Variants in EVI5 observed in about 807,000 individuals in gnomAD.
EVI5 encodes the protein ecotropic viral integration site 5.
A neutral mutation model predicts 112.0 loss-of-function variants in EVI5; 73 were observed. That is an observed-to-expected ratio of 0.65 (90% CI 0.54 to 0.79). The LOEUF is 0.79. EVI5 is among the 30% of genes least tolerant of loss of function. The probability of loss-of-function intolerance (pLI) is 0.00; values close to 1 mark genes in which losing one functional copy is unlikely to be tolerated. For synonymous variants in EVI5, 305 were observed against 319.9 expected (o/e 0.95, Z 0.50); for missense variants, 900 against 968.8 (o/e 0.93, Z 0.94).
At chr1:92,724,212 G>A (rs766467597) in intron 2 of EVI5, among the ~76,000 whole-genome samples, 2 of 151,836 alleles carry the variant, frequency 1.3e-5, no homozygotes, top group African/African-American at 2.4e-5. Context: ...GCAGCTCGGG[G>A]TCATCATCAA....
At chr1:92,733,120 G>A (rs1468192668) in intron 2 of EVI5, 2 of 224,410 alleles carry the variant, frequency 8.9e-6, no homozygotes, top group South Asian at 1.6e-4. Context: ...ATTACTTCAG[G>A]AGAAGCCTTA....
chr1:92,775,646 T>C (rs913661937), intron 1 of EVI5, among the ~76,000 whole-genome samples: 2 of 152,192 alleles, frequency 1.3e-5, no homozygotes, highest in African/African-American at 4.8e-5. Flanking sequence ...AAGTGTATTC[T>C]ACGATGTTCA....
chr1:92,715,714 A>C (rs2102648557), intron 2 of EVI5, among the ~76,000 whole-genome samples: 1 of 152,294 alleles, frequency 6.6e-6, no homozygotes, highest in South Asian at 2.1e-4. Context: ...AACCAAGGGA[A>C]GCAGTGACAG....
At chr1:92,687,269 G>A (rs1253057398) in intron 9 of EVI5, among the ~76,000 whole-genome samples, 1 of 151,920 alleles carries the variant, frequency 6.6e-6, no homozygotes, top group African/African-American at 2.4e-5. Context: ...TGACAAACCT[G>A]ACAAAAACAA....
intron 1 of EVI5, among the ~76,000 whole-genome samples, chr1:92,778,792 G>A (rs568435943): frequency 6.6e-6 from 1 of 152,254 alleles, no homozygotes; most frequent in South Asian, 2.1e-4. Flanking sequence ...ACAGAAGAAA[G>A]GGATATGAAG....
chr1:92,560,867 C>T (rs1668416846), intron 19 of EVI5, among the ~76,000 whole-genome samples: 2 of 115,454 alleles, frequency 1.7e-5, no homozygotes, highest in East Asian at 3.2e-4. Context: ...ACCCAGCCTA[C>T]AAAAGCTTTT....
intron 9 of EVI5, 31 bp downstream of exon 9, chr1:92,693,771 T>A (rs1024414209): frequency 1.6e-6 from 2 of 1,242,286 alleles, no homozygotes; most frequent in Non-Finnish European, 2.3e-6. Context: ...CAACTTCCAC[T>A]GAATTTCCAA....
upstream of EVI5, among the ~76,000 whole-genome samples, chr1:92,787,779 G>A (rs573780621): frequency 3.9e-5 from 6 of 151,982 alleles, no homozygotes; most frequent in East Asian, 1.2e-3. Context: ...AGGAAGACTG[G>A]GTGACTGGTG....
At chr1:92,784,811 C>G in intron 1 of EVI5, 25 bp downstream of exon 1, 1 of 985,428 alleles carries the variant, frequency 1.0e-6, no homozygotes, top group Non-Finnish European at 1.2e-6. Context: ...TCCCGGCCCG[C>G]CCGGCCTGGC....
At position 92,695,348 on chromosome 1, in the gene EVI5, G is replaced by C. The variant is rs747070594; in HGVS notation, c.871C>G (p.Pro291Ala). The change falls in exon 7 of 20, where the codon CCA becomes GCA. Residue 291 changes from proline (P) to alanine (A), a missense_variant. Pro to Ala is a conservative substitution (Grantham distance 27). Coordinates refer to ENST00000684568, the MANE Select transcript of EVI5 (RefSeq NM_001350197.2). ...ATATCAAATATCCTTGTTGCAATTG[G>C]TAGTGGAAAAGTTGTAAGAAAGATA... The part of the protein sequence containing the change: ...LTIFLTTFPL[P>A]IATRIFDIFM... 6.2e-7 allele frequency: 1 copy of C among 1,609,866 alleles called. No individual in the cohort carries two copies. Among genetic ancestry groups the C allele is most frequent in the Non-Finnish European group, 8.5e-7 (1 of 1,176,590 alleles).
At chr1:92,756,213 C>T (rs1345335182) in intron 1 of EVI5, 1 of 413,410 alleles carries the variant, frequency 2.4e-6, no homozygotes, top group Admixed American at 3.0e-5. Context: ...CATTAGAAAC[C>T]TATCAGTGGA....
intron 18 of EVI5, among the ~76,000 whole-genome samples, chr1:92,572,918 A>G (rs1429125358): frequency 6.6e-6 from 1 of 152,114 alleles, no homozygotes; most frequent in Non-Finnish European, 1.5e-5. Flanking sequence ...CTTCAGAATC[A>G]TGATTAGTTG....
intron 13 of EVI5, among the ~76,000 whole-genome samples, chr1:92,638,125 T>C (rs1445497310): frequency 6.6e-6 from 1 of 152,148 alleles, no homozygotes; most frequent in Admixed American, 6.5e-5. Context: ...CACAGGTTTG[T>C]TTGCAAAGAC....
intron 1 of EVI5, among the ~76,000 whole-genome samples, chr1:92,778,951 T>G (rs886430480): frequency 1.3e-5 from 2 of 152,192 alleles, no homozygotes; most frequent in African/African-American, 4.8e-5. Context: ...GTCTCAGAGA[T>G]TCTGACGTAT....
At chr1:92,532,743 C>A (rs1342267414) in intron 19 of EVI5, among the ~76,000 whole-genome samples, 3 of 152,072 alleles carry the variant, frequency 2.0e-5, no homozygotes, top group Non-Finnish European at 4.4e-5. Context: ...CCAATGAGAA[C>A]AAAGACACAC....
chr1:92,598,864 C>T (rs140193589), intron 18 of EVI5, among the ~76,000 whole-genome samples: 1,785 of 151,928 alleles, frequency 0.012, 40 homozygotes, highest in African/African-American at 0.04. Context: ...CTGTAAGACG[C>T]GAATACAAAG....
chr1:92,689,600 TCAAA>T (rs1669135847), intron 9 of EVI5, among the ~76,000 whole-genome samples: 1 of 152,138 alleles, frequency 6.6e-6, no homozygotes, highest in South Asian at 2.1e-4. Context: ...ACTCCTAGGC[TCAAA>T]CAATCTGCCT....
intron 1 of EVI5, among the ~76,000 whole-genome samples, chr1:92,751,158 T>A (rs956468838): frequency 6.6e-5 from 10 of 151,386 alleles, no homozygotes; most frequent in African/African-American, 2.5e-4. Flanking sequence ...TCAAAAAAAA[T>A]AAAAATAAAT....
intron 14 of EVI5, among the ~76,000 whole-genome samples, chr1:92,628,325 G>A (rs1656144305): frequency 6.6e-6 from 1 of 152,198 alleles, no homozygotes; most frequent in Non-Finnish European, 1.5e-5. Flanking sequence ...AAGCTCCTCA[G>A]TTTAATTAGG....
Sources: allele counts gnomAD v4.1 joint callset (sites outside exome capture counted in the v4.1 genomes callset), GRCh38; gene constraint gnomAD v4.1.1; transcripts MANE v1.5; gene names NCBI Gene and HGNC (gene_info 2026-07-23, HGNC 2026-07-21).